The following PLEC variants were observed in gnomAD, a reference collection of about 807,000 sequenced individuals.
PLEC encodes the protein plectin.
PLEC carries 216 observed loss-of-function variants against 392.8 expected under a neutral mutation model. The observed-to-expected ratio is 0.55, with a 90% CI of 0.49 to 0.62. The LOEUF (loss-of-function observed/expected upper bound fraction) is 0.62. PLEC is among the 20% of genes least tolerant of loss of function. The pLI, the probability that PLEC is intolerant of heterozygous loss-of-function variation, is 0.00. For synonymous variants in PLEC, 3,621 were observed against 2,980.6 expected, an observed-to-expected ratio of 1.21 and a Z score of -7.00; for missense variants, 6,863 against 6,563.4, an observed-to-expected ratio of 1.05 and a Z score of -1.58.
chr8:143,938,472 C>T, intron 2 of PLEC, 159 bp downstream of exon 2: 1 of 1,544,596 alleles, frequency 6.5e-7, no homozygotes, highest in Non-Finnish European at 8.7e-7. Flanking sequence ...GAGGCAGGAG[C>T]AGGCGTAGGG....
At chr8:143,975,251 C>CGGCTCCGCTGCGTT, upstream of PLEC, 1 of 1,608,132 alleles carries the variant, frequency 6.2e-7, no homozygotes, top group Non-Finnish European at 8.5e-7. The surrounding 1 kb of genome is among the most constrained non-coding windows in gnomAD (Gnocchi z 9.9). Context: ...CCCGCTGCGC[C>CGGCTCCGCTGCGTT]GGCTCCGCTG....
At chr8:143,958,650 A>C, upstream of PLEC, 1 of 454,302 alleles carries the variant, frequency 2.2e-6, no homozygotes, top group Non-Finnish European at 4.4e-6. The surrounding 1 kb of genome is among the most constrained non-coding windows in gnomAD (Gnocchi z 4.9). Context: ...AGGTCCCACC[A>C]CAGCCCTGCC....
At position 143,921,035 on chromosome 8, in the gene PLEC, T is replaced by C; in HGVS notation, c.8786A>G (p.Asn2929Ser). Residue 2929 changes from asparagine (N) to serine (S), a missense_variant, in exon 32 of 32, where the codon AAC becomes AGC. Physicochemically the swap from Asn to Ser is conservative, Grantham distance 46 (BLOSUM62 1). Coordinates refer to ENST00000345136, the MANE Select transcript of PLEC (RefSeq NM_201384.3). ...GKTVTIWEII[N>S]SEYFTAEQRR... ...CTGCTCTGCCGTGAAGTATTCCGAG[T>C]TGATGATCTCCCAAATGGTCACCGT... The C allele has an allele frequency of 6.2e-7, 1 of 1,612,852 alleles. No individual in the cohort carries two copies. Among genetic ancestry groups the C allele is most frequent in the Non-Finnish European group, 8.5e-7 (1 of 1,180,010 alleles).
Position 143,916,801 on chromosome 8 carries a change from C to T in PLEC, c.13020G>A (p.Leu4340=), listed in dbSNP as rs1820720475. Residue 4340 remains leucine (L), a synonymous_variant, in exon 32 of 32, where the codon CTG becomes CTA. Transcript: ENST00000345136. ...FPVTDAVNKG[L]VDKIMVDRIN... Reference sequence around the variant, plus strand: ...TGCGGTCCACCATGATCTTGTCCACCAGGCCCTTGTTGACGGCGTCGGTGA... The same window carrying T: ...TGCGGTCCACCATGATCTTGTCCACTAGGCCCTTGTTGACGGCGTCGGTGA... The T allele has an allele frequency of 6.2e-7, 1 of 1,613,222 alleles. No individual in the cohort carries two copies. The highest frequency in any genetic ancestry group is 8.5e-7 in the Non-Finnish European group (1 of 1,179,960).
At chr8:143,932,072 C>G in intron 17 of PLEC, 40 bp from the exon 18 acceptor site, 1 of 1,560,554 alleles carries the variant, frequency 6.4e-7, no homozygotes, top group Non-Finnish European at 8.7e-7. Context: ...CGCCCCGCCC[C>G]GCCTGGGGAC....
chr8:143,963,778 G>A (rs1475022504), intron 1 of PLEC, among the ~76,000 whole-genome samples: 1 of 150,242 alleles, frequency 6.7e-6, no homozygotes, highest in Admixed American at 6.6e-5. Flanking sequence ...GAGCAGCTGG[G>A]ACTACAGCCA....
At position 143,929,406 on chromosome 8, in the gene PLEC, G is replaced by T. The variant is rs1554710821; in HGVS notation, c.3081+8C>A. The stretch of plus-strand genomic sequence containing the variant: ...GGATGGGACTGGATGGGGGGGGACG[G>T]CCCCTGCCTGCTGCTCGGCGATGCG... On this transcript the variant is annotated splice_region_variant and intron_variant, in intron 24 of 31. Transcript: ENST00000345136. The T allele has an allele frequency of 2.6e-6, 4 of 1,560,342 alleles. No homozygotes were observed. The highest frequency in any genetic ancestry group is 2.4e-5 in the East Asian group (1 of 42,440).
Position 143,934,728 on chromosome 8 carries a change from G to T in PLEC, c.948C>A (p.Ile316=), listed in dbSNP as rs782375358. The change falls in exon 10 of 32, where the codon ATC becomes ATA. Residue 316 remains isoleucine (I), a splice_region_variant and synonymous_variant. Transcript: ENST00000345136. The part of the protein sequence containing the change: ...RFPSSFEEIE[I]LWSQFLKFKE... Reference sequence around the variant, plus strand: ...TAAACTTCAGGAACTGAGACCACAGGATCTGCCAGGGACGAGGCTGTCGGC... The same window carrying T: ...TAAACTTCAGGAACTGAGACCACAGTATCTGCCAGGGACGAGGCTGTCGGC... 2.1e-5 allele frequency: 34 copies of T among 1,612,366 alleles called. No individual in the cohort carries two copies. Among genetic ancestry groups the T allele is most frequent in the South Asian group, 2.0e-4 (18 of 91,094 alleles).
upstream of PLEC, among the ~76,000 whole-genome samples, chr8:143,943,080 G>A (rs1168815604): frequency 3.3e-5 from 5 of 152,160 alleles, no homozygotes; most frequent in Non-Finnish European, 7.4e-5. Context: ...AGCTCCGGGC[G>A]TCCCCAGCGC....
rs782434552 is a variant in PLEC at position 143,924,339 on chromosome 8, C to T, written c.5590G>A (p.Glu1864Lys). 8.8e-6 allele frequency: 14 copies of T among 1,596,686 alleles called. No individual in the cohort carries two copies. Among genetic ancestry groups the T allele is most frequent in the African/African-American group, 8.0e-5 (6 of 74,830 alleles). Residue 1864 changes from glutamate (E) to lysine (K), a missense_variant, in exon 31 of 32, where the codon GAG (glutamate) becomes AAG (lysine). Glu to Lys is a moderately conservative substitution (Grantham distance 56). Transcript: ENST00000345136. The part of the protein sequence containing the change: ...IALKEKEAEN[E>K]RLRRLAEDEA... ...TCCTCCGCCAGCCGCCGCAGGCGCT[C>T]GTTCTCCGCCTCCTTCTCCTTGAGC...
chr8:143,930,255 G>T lies in PLEC; in HGVS notation c.2501C>A (p.Ala834Glu). 1 of 1,600,774 alleles carries T rather than the reference G, an allele frequency of 6.2e-7. No homozygotes were observed. The highest frequency in any genetic ancestry group is 2.2e-5 in the East Asian group (1 of 44,636). ...GAGCACCTTCCAGTGGGACGGCTGT[G>T]CAGGGCCCACCAGCTGGCACTCGTC... ...KGDECQLVGP[A>E]QPSHWKVLSS... The change falls in exon 21 of 32, where the codon GCA becomes GAA. Residue 834 changes from alanine to glutamate, a missense_variant. By Grantham distance (107) the Ala-to-Glu change is moderately radical (BLOSUM62 -1). Coordinates refer to ENST00000345136, the MANE Select transcript of PLEC (RefSeq NM_201384.3).
At chr8:143,950,500 G>C in exon 1 of PLEC, 1 of 1,608,558 alleles carries the variant, frequency 6.2e-7, no homozygotes, top group Non-Finnish European at 8.5e-7. Context: ...ACCAGTAAAA[G>C]TGGCACCAGG....
At chr8:143,974,077 A>G (rs1390016913), upstream of PLEC, among the ~76,000 whole-genome samples, 1 of 152,238 alleles carries the variant, frequency 6.6e-6, no homozygotes, top group Non-Finnish European at 1.5e-5. This position sits in a 1 kb window ranked among gnomAD's most constrained non-coding sequence, Gnocchi z 5.9. Context: ...CGCCTTCACC[A>G]ATGTCGGCCA....
intron 1 of PLEC, among the ~76,000 whole-genome samples, chr8:143,967,173 C>T (rs1833141552): frequency 6.6e-6 from 1 of 151,588 alleles, no homozygotes; most frequent in South Asian, 2.1e-4. Context: ...ACTGTCCTGG[C>T]TAACACGGTG....
Position 143,919,512 on chromosome 8 carries a change from T to G in PLEC, c.10309A>C (p.Arg3437=). The change falls in exon 32 of 32, where the codon AGA becomes CGA. Residue 3437 remains arginine (R), a synonymous_variant. Coordinates refer to ENST00000345136, the MANE Select transcript of PLEC (RefSeq NM_201384.3). ...LSAEKAVTGY[R]DPYSGSTISL... is the part of the protein sequence containing the mutation. The stretch of plus-strand genomic sequence containing the variant: ...ATGGTGCTGCCCGAGTAGGGGTCTC[T>G]GTAGCCGGTGACGGCCTTCTCGGCA... 1 of 1,612,502 alleles carries G rather than the reference T, an allele frequency of 6.2e-7. No individual in the cohort carries two copies. Among genetic ancestry groups the G allele is most frequent in the Non-Finnish European group, 8.5e-7 (1 of 1,179,770 alleles).
Position 143,924,567 on chromosome 8 carries a change from T to C in PLEC, c.5362A>G (p.Arg1788Gly), listed in dbSNP as rs1554698116. 6.5e-7 allele frequency: 1 copy of C among 1,548,998 alleles called. No individual in the cohort carries two copies. Among genetic ancestry groups the C allele is most frequent in the East Asian group, 2.4e-5 (1 of 41,460 alleles). The change falls in exon 31 of 32, where the codon AGG (arginine) becomes GGG (glycine). Residue 1788 changes from arginine (R) to glycine (G), a missense_variant. Arg to Gly is a moderately radical substitution (Grantham distance 125). Coordinates refer to ENST00000345136, the MANE Select transcript of PLEC (RefSeq NM_201384.3). ...AACCGGCCGGCCTCGGCCTCCAGCCTCTGCTTGGACTTCTCGCTGGTGGAG... is the reference window on the plus strand; with the variant it reads ...AACCGGCCGGCCTCGGCCTCCAGCCCCTGCTTGGACTTCTCGCTGGTGGAG... Reference protein sequence around the residue: ...SRSTSEKSKQRLEAEAGRFRE... With the variant: ...SRSTSEKSKQGLEAEAGRFRE...
chr8:143,954,447 TGCCCCACAGGCA>T (rs1404487431), upstream of PLEC, among the ~76,000 whole-genome samples: 8 of 152,174 alleles, frequency 5.3e-5, no homozygotes, highest in African/African-American at 1.4e-4. This position sits in a 1 kb window ranked among gnomAD's most constrained non-coding sequence, Gnocchi z 4.6. Flanking sequence ...AGCCTCAGGA[TGCCCCACAGGCA>T]GCCCCACAGG....
At chr8:143,964,444 C>T (rs137899542) in intron 1 of PLEC, among the ~76,000 whole-genome samples, 7 of 152,076 alleles carry the variant, frequency 4.6e-5, no homozygotes, top group Admixed American at 1.3e-4. Flanking sequence ...GAGAGGGCCA[C>T]GGGAGGATGG....
At position 143,920,382 on chromosome 8, in the gene PLEC, T is replaced by C. The variant is rs1216817967; in HGVS notation, c.9439A>G (p.Ser3147Gly). 1.3e-6 allele frequency: 2 copies of C among 1,592,244 alleles called. No individual in the cohort carries two copies. Among genetic ancestry groups the C allele is most frequent in the Non-Finnish European group, 1.7e-6 (2 of 1,172,460 alleles). ...TCCAGGGGCACGCGGTGGCTCTTGC[T>C]GGGGTCCACGATGCCGCCCGTGGAC... Reference protein sequence around the residue: ...QLSTGGIVDPSKSHRVPLDVA... With the variant: ...QLSTGGIVDPGKSHRVPLDVA... The change falls in exon 32 of 32, where the codon AGC (serine) becomes GGC (glycine). Residue 3147 changes from serine (S) to glycine (G), a missense_variant. Physicochemically the swap from Ser to Gly is moderately conservative, Grantham distance 56. Coordinates refer to ENST00000345136, the MANE Select transcript of PLEC (RefSeq NM_201384.3).
Sources: gnomAD v4.1 joint callset for allele counts (sites outside exome capture counted in the v4.1 genomes callset) on GRCh38, gnomAD v4.1.1 for gene constraint, Gnocchi (gnomAD v3.1) non-coding constraint, MANE v1.5 for transcripts, NCBI Gene and HGNC (gene_info 2026-07-23, HGNC 2026-07-21) for gene names.